NRG1: variants seen among roughly 807,000 people sequenced by gnomAD.
NRG1 encodes the protein neuregulin 1.
A neutral mutation model predicts 63.8 loss-of-function variants in NRG1; 18 were observed. That is an observed-to-expected ratio of 0.28 (90% CI 0.19 to 0.42). The LOEUF (loss-of-function observed/expected upper bound fraction) is 0.42, where lower values mean the gene tolerates loss of function less well. Ranked by LOEUF, NRG1 falls within the 10% of genes least tolerant of loss-of-function variation. NRG1 has a pLI of 1.00. For synonymous variants in NRG1, 302 were observed against 301.3 expected (o/e 1.00, Z -0.02); for missense variants, 762 against 814.7 (o/e 0.94, Z 0.79).
Position 31,950,270 on chromosome 8 carries a change from G to T in NRG1, c.37+310839G>T, listed in dbSNP as rs564058287. Among the ~76,000 whole-genome samples the T allele has an allele frequency of 1.2e-4, 18 of 152,326 alleles. No homozygotes were observed. The South Asian group carries it at 3.3e-3, about 28-fold the overall frequency. On this transcript the variant is annotated intron_variant, in intron 1 of 10. Transcript: ENST00000519301. ...AATTAAGAGTTACAAATGCCTGTTA[G>T]TGTAATCGGGTTGTTTGAAGCTATC... is the stretch of plus-strand genomic sequence containing the variant.
chr8:32,086,148 T>C (rs7841220), intron 1 of NRG1, among the ~76,000 whole-genome samples: 81,012 of 152,168 alleles, frequency 0.53, 26,039 homozygotes, highest in Non-Finnish European at 0.71. Context: ...TAAATGGACA[T>C]TTTGTTCATG....
chr8:32,156,731 G>T (rs1036490215), intron 1 of NRG1, among the ~76,000 whole-genome samples: 3 of 152,078 alleles, frequency 2.0e-5, no homozygotes, highest in Non-Finnish European at 4.4e-5. Flanking sequence ...AGTGTTCAAG[G>T]GCCCAGGAGT....
intron 1 of NRG1, among the ~76,000 whole-genome samples, chr8:32,534,407 TA>T (rs1307937848): frequency 6.6e-6 from 1 of 152,104 alleles, no homozygotes; most frequent in African/African-American, 2.4e-5. Context: ...GGCATTTTCT[TA>T]AAAAAATAGT....
intron 1 of NRG1, among the ~76,000 whole-genome samples, chr8:31,751,159 C>T (rs1334096439): frequency 6.6e-6 from 1 of 151,958 alleles, no homozygotes; most frequent in Admixed American, 6.6e-5. Flanking sequence ...TATTCGTTGA[C>T]TGTTTACTAT....
intron 1 of NRG1, among the ~76,000 whole-genome samples, chr8:32,135,183 A>C (rs777994521): frequency 5.9e-5 from 9 of 152,192 alleles, no homozygotes; most frequent in Non-Finnish European, 1.3e-4. Flanking sequence ...AGGCCAGATC[A>C]TGGGAGCTTT....
intron 5 of NRG1, among the ~76,000 whole-genome samples, chr8:32,710,666 A>C (rs371160916): frequency 7.2e-5 from 11 of 152,190 alleles, no homozygotes; most frequent in African/African-American, 2.7e-4. Context: ...AATCTGAATG[A>C]AGGTTAAATA....
At chr8:32,465,204 A>C (rs1054979921) in intron 1 of NRG1, among the ~76,000 whole-genome samples, 4 of 152,198 alleles carry the variant, frequency 2.6e-5, no homozygotes, top group Admixed American at 2.0e-4. Flanking sequence ...AACCAATAAT[A>C]GAAACTTTAA....
chr8:32,734,072 G>A (rs1824401571), intron 6 of NRG1, among the ~76,000 whole-genome samples: 1 of 152,192 alleles, frequency 6.6e-6, no homozygotes, highest in Admixed American at 6.5e-5. Context: ...GGGAGCCATA[G>A]TAACATCTGG....
At chr8:32,260,653 G>C (rs1042180201) in intron 1 of NRG1, among the ~76,000 whole-genome samples, 3 of 152,144 alleles carry the variant, frequency 2.0e-5, no homozygotes, top group African/African-American at 4.8e-5. Flanking sequence ...TGTCCTTCCA[G>C]GGCCCTGCCC....
rs1442920139 is a variant in NRG1, at chr8:31,887,616, C to T, written c.37+248185C>T. ...AGGGATACTCAGAACTGGGAGCAGT[C>T]CTAAGGTGGACCTTCAAAATGATTC... On this transcript the variant is annotated intron_variant, in intron 1 of 10. Transcript: ENST00000519301. 3.3e-5 allele frequency among the ~76,000 whole-genome samples: 5 copies of T among 151,972 alleles called. No individual in the cohort carries two copies. In the East Asian group the frequency reaches 9.7e-4, roughly 30 times the overall value.
At chr8:32,553,794 T>C (rs1834595849) in intron 1 of NRG1, among the ~76,000 whole-genome samples, 1 of 152,214 alleles carries the variant, frequency 6.6e-6, no homozygotes, top group Admixed American at 6.5e-5. Flanking sequence ...GCAATGTTCA[T>C]AGAATTGAGT....
At chr8:32,123,855 C>A (rs1448086285) in intron 1 of NRG1, among the ~76,000 whole-genome samples, 2 of 151,794 alleles carry the variant, frequency 1.3e-5, no homozygotes, top group African/African-American at 2.4e-5. Context: ...CACAGCCATG[C>A]TGTTAAAGAG....
At chr8:32,705,218 A>G (rs995058564) in intron 5 of NRG1, among the ~76,000 whole-genome samples, 2 of 146,192 alleles carry the variant, frequency 1.4e-5, no homozygotes, top group Non-Finnish European at 3.0e-5. Context: ...TGCAAGCTCC[A>G]CCTCCCGGGT....
At chr8:32,601,116 T>C (rs1173740197) in intron 2 of NRG1, among the ~76,000 whole-genome samples, 2 of 152,332 alleles carry the variant, frequency 1.3e-5, no homozygotes, top group South Asian at 2.1e-4. Flanking sequence ...CATAGTTAAA[T>C]GTATCATTAG....
intron 1 of NRG1, among the ~76,000 whole-genome samples, chr8:32,486,222 G>T (rs1005764166): frequency 6.6e-6 from 1 of 152,084 alleles, no homozygotes; most frequent in Non-Finnish European, 1.5e-5. Flanking sequence ...GTGAGCCACC[G>T]CACCCAGCCT....
chr8:32,420,556 T>C (rs1390106672), intron 1 of NRG1, among the ~76,000 whole-genome samples: 3 of 151,594 alleles, frequency 2.0e-5, no homozygotes, highest in African/African-American at 7.3e-5. Flanking sequence ...TTTTTTTTCC[T>C]ACTAAACATG....
At chr8:31,894,961 C>T (rs1287934695) in intron 1 of NRG1, among the ~76,000 whole-genome samples, 2 of 152,296 alleles carry the variant, frequency 1.3e-5, no homozygotes, top group Middle Eastern at 3.4e-3. Context: ...TGAGGACTTA[C>T]ATATAACACC....
intron 1 of NRG1, among the ~76,000 whole-genome samples, chr8:32,568,689 T>C (rs1213584468): frequency 6.6e-6 from 1 of 152,188 alleles, no homozygotes; most frequent in African/African-American, 2.4e-5. Flanking sequence ...GGGATTCTAA[T>C]GTTCGCCAAA....
chr8:31,878,971 G>A (rs546211981), intron 1 of NRG1, among the ~76,000 whole-genome samples: 2 of 152,074 alleles, frequency 1.3e-5, no homozygotes, highest in East Asian at 3.9e-4. Flanking sequence ...CTGCACTCCA[G>A]CCTGGGCGAC....
Sources: gnomAD v4.1 joint callset for allele counts (sites outside exome capture counted in the v4.1 genomes callset) on GRCh38, gnomAD v4.1.1 for gene constraint, MANE v1.5 for transcripts, NCBI Gene and HGNC (gene_info 2026-07-23, HGNC 2026-07-21) for gene names.